ERCC8: variants seen among roughly 807,000 people sequenced by gnomAD.
The protein encoded by ERCC8 is DNA excision repair protein ERCC-8.
Under a neutral mutation model 54.9 loss-of-function variants are expected in ERCC8, and 52 were observed. That is an observed-to-expected ratio of 0.95 (90% CI 0.76 to 1.19). The LOEUF (loss-of-function observed/expected upper bound fraction) is 1.19. ERCC8 is among the 50% of genes most tolerant of loss of function. The probability of loss-of-function intolerance (pLI) is 0.00; values close to 1 mark genes in which losing one functional copy is unlikely to be tolerated. For missense variants in ERCC8, 514 were observed against 466.1 expected, an observed-to-expected ratio of 1.10 and a Z score of -0.95; for synonymous variants, 146 against 157.2, an observed-to-expected ratio of 0.93 and a Z score of 0.53.
chr5:60,937,928 A>C (rs1285113059), intron 1 of ERCC8, among the ~76,000 whole-genome samples: 1 of 151,122 alleles, frequency 6.6e-6, no homozygotes, highest in Admixed American at 6.6e-5. Context: ...CCTCCTATAC[A>C]CCATTTCCTC....
rs747208043 is a variant in ERCC8 at position 60,902,435 on chromosome 5, A to C, written c.617+7T>G. On this transcript the variant is annotated splice_region_variant and intron_variant, in intron 7 of 11. Transcript: ENST00000676185. Reference sequence around the variant, plus strand: ...CTAACTTCAAAAGCAAATAAGTTAAATTTTACCTTGCTGTTGCCAAGATAT... The same window carrying C: ...CTAACTTCAAAAGCAAATAAGTTAACTTTTACCTTGCTGTTGCCAAGATAT... 19 of 1,606,760 alleles carry C rather than the reference A, an allele frequency of 1.2e-5. No individual in the cohort carries two copies. In the East Asian group the frequency reaches 4.2e-4, roughly 36 times the overall value.
At chr5:60,925,386 T>C (rs1056822725) in intron 2 of ERCC8, among the ~76,000 whole-genome samples, 2 of 152,200 alleles carry the variant, frequency 1.3e-5, no homozygotes, top group Admixed American at 6.5e-5. Context: ...AGTTCTGTAC[T>C]GGGGGCGCAC....
chr5:60,925,220 T>G (rs932725574), intron 2 of ERCC8, among the ~76,000 whole-genome samples: 24 of 152,292 alleles, frequency 1.6e-4, no homozygotes, highest in African/African-American at 5.5e-4. Flanking sequence ...AAATTTTTTT[T>G]GGGGGGTAAG....
chr5:60,927,580 T>G (rs1009538494), intron 2 of ERCC8, among the ~76,000 whole-genome samples: 1 of 152,228 alleles, frequency 6.6e-6, no homozygotes, highest in Admixed American at 6.5e-5. Context: ...CTCTGCCAAC[T>G]GGTAGTCTAC....
At chr5:60,894,855 T>A (rs1007167841) in intron 9 of ERCC8, among the ~76,000 whole-genome samples, 36 of 152,134 alleles carry the variant, frequency 2.4e-4, no homozygotes, top group African/African-American at 8.4e-4. Context: ...TCCACTGTCG[T>A]CAGGGCTAAT....
rs181378530 is a variant in ERCC8 at position 60,893,338 on chromosome 5, G to C, written c.844-2252C>G. The C allele has an allele frequency of 1.5e-4, 132 of 854,898 alleles. No homozygotes were observed. In the Middle Eastern group the frequency reaches 3.1e-3, roughly 20 times the overall value. The allele number at this position is 854,898 out of a possible 1,614,324, so 53.0% of individuals were successfully genotyped here. A position where few individuals can be genotyped will look rare whatever the true frequency, so the allele number is the denominator to read the frequency against. On this transcript the variant is annotated intron_variant, in intron 9 of 11. Transcript: ENST00000676185. Reference sequence around the variant, plus strand: ...CCTGGCGTCTTAGGATATCCTCACAGTAGCTCTTGATAGACCTGCGTTTTT... The same window carrying C: ...CCTGGCGTCTTAGGATATCCTCACACTAGCTCTTGATAGACCTGCGTTTTT...
At chr5:60,885,891 G>T (rs1347007262) in intron 11 of ERCC8, among the ~76,000 whole-genome samples, 1 of 151,976 alleles carries the variant, frequency 6.6e-6, no homozygotes, top group East Asian at 1.9e-4. Flanking sequence ...TTTCATAAAG[G>T]AACTAAACAC....
chr5:60,875,393 G>T (rs889444124), intron 11 of ERCC8, among the ~76,000 whole-genome samples: 3 of 152,160 alleles, frequency 2.0e-5, no homozygotes, highest in Non-Finnish European at 4.4e-5. Flanking sequence ...GCATCTAGAT[G>T]ATGTTTATTT....
intron 11 of ERCC8, among the ~76,000 whole-genome samples, chr5:60,877,911 G>A (rs1463828325): frequency 6.6e-6 from 1 of 152,164 alleles, no homozygotes; most frequent in Non-Finnish European, 1.5e-5. Flanking sequence ...ACACTATGTT[G>A]AATAGGAGTG....
chr5:60,937,595 G>T lies in ERCC8; in HGVS notation c.77+7337C>A, dbSNP rs916146476. Among the ~76,000 whole-genome samples the T allele has an allele frequency of 4.6e-5, 7 of 152,162 alleles. No homozygotes were observed. The South Asian group carries it at 1.5e-3, about 32-fold the overall frequency. On this transcript the variant is annotated intron_variant, in intron 1 of 11. Coordinates refer to ENST00000676185, the MANE Select transcript of ERCC8 (RefSeq NM_000082.4). ...AGTTGGGGAAGGCCGGCAGCCAAAGGCTTCACCCAGCTCCCATGCAACCTA... is the reference window on the plus strand; with the variant it reads ...AGTTGGGGAAGGCCGGCAGCCAAAGTCTTCACCCAGCTCCCATGCAACCTA...
intron 9 of ERCC8, among the ~76,000 whole-genome samples, chr5:60,896,163 T>C (rs1265117575): frequency 6.6e-6 from 1 of 151,716 alleles, no homozygotes; most frequent in Non-Finnish European, 1.5e-5. Context: ...TTTTGTACTT[T>C]TAGTAGAGAT....
intron 8 of ERCC8, 80 bp downstream of exon 8, chr5:60,899,547 T>C (rs1748812871): frequency 9.7e-7 from 1 of 1,029,510 alleles, no homozygotes; most frequent in South Asian, 1.3e-5. Context: ...CAATATGCGT[T>C]TATTATGTGG....
intron 11 of ERCC8, among the ~76,000 whole-genome samples, chr5:60,880,744 G>C (rs1406393846): frequency 1.3e-5 from 2 of 152,040 alleles, no homozygotes; most frequent in Non-Finnish European, 2.9e-5. Context: ...GTCTGCATTG[G>C]TTATTCTAGT....
chr5:60,921,771 T>C (rs1174802938), intron 3 of ERCC8, among the ~76,000 whole-genome samples: 2 of 152,032 alleles, frequency 1.3e-5, no homozygotes, highest in East Asian at 1.9e-4. Context: ...TGAGATGTGC[T>C]ATGTAGGTAA....
At chr5:60,880,710 C>T (rs1239382078) in intron 11 of ERCC8, among the ~76,000 whole-genome samples, 2 of 152,184 alleles carry the variant, frequency 1.3e-5, no homozygotes, top group Non-Finnish European at 2.9e-5. Flanking sequence ...TGGTTTTCAG[C>T]TCCATCAGGT....
intron 2 of ERCC8, among the ~76,000 whole-genome samples, chr5:60,925,448 C>G (rs1749719266): frequency 6.6e-6 from 1 of 152,156 alleles, no homozygotes; most frequent in African/African-American, 2.4e-5. Flanking sequence ...TGCTATAGCT[C>G]CTTCTGGTCT....
rs577134348 is a variant in ERCC8, at chr5:60,874,368, T to A, written c.*247A>T. On this transcript the variant is annotated 3_prime_UTR_variant, in exon 12 of 12. Coordinates refer to ENST00000676185, the MANE Select transcript of ERCC8 (RefSeq NM_000082.4). ...GAGGTACAACGACTTGTGTTACTTG[T>A]ACTGTAGCAATGAGGGCTTTCCCAG... 453 of 475,650 alleles carry A rather than the reference T, an allele frequency of 9.5e-4. 3 individuals are homozygous for A. The highest frequency in any genetic ancestry group is 8.5e-3 in the African/African-American group (432 of 50,680). 29.5% of individuals were successfully genotyped at this position (475,650 alleles called of 1,614,324 possible). A position where few individuals can be genotyped will look rare whatever the true frequency, so the allele number is the denominator to read the frequency against.
rs1321028472 is a variant in ERCC8, at chr5:60,890,998, G to A, written c.932C>T (p.Pro311Leu). 1.9e-6 allele frequency: 3 copies of A among 1,612,950 alleles called. No individual in the cohort carries two copies. Among genetic ancestry groups the A allele is most frequent in the South Asian group, 2.2e-5 (2 of 91,068 alleles). The stretch of plus-strand genomic sequence containing the variant: ...ATAAACAGCAATGGTGCTACCATAT[G>A]GTACAAAAACAAATTCTGAACTGCA... Reference protein sequence around the residue: ...CGCSSEFVFVPYGSTIAVYTV... With the variant: ...CGCSSEFVFVLYGSTIAVYTV... The change falls in exon 10 of 12, where the codon CCA becomes CTA. Residue 311 changes from proline to leucine, a missense_variant. Physicochemically the swap from Pro to Leu is moderately conservative, Grantham distance 98. Coordinates refer to ENST00000676185, the MANE Select transcript of ERCC8 (RefSeq NM_000082.4).
chr5:60,892,879 C>A, intron 9 of ERCC8: 1 of 703,710 alleles, frequency 1.4e-6, no homozygotes, highest in Non-Finnish European at 2.6e-6. Context: ...CTGCTTTTCC[C>A]AATATTGGGA....
Sources: gnomAD v4.1 joint callset for allele counts (sites outside exome capture counted in the v4.1 genomes callset) on GRCh38, gnomAD v4.1.1 for gene constraint, MANE v1.5 for transcripts, NCBI Gene and HGNC (gene_info 2026-07-23, HGNC 2026-07-21) for gene names.